The following KIAA1217 variants were observed in gnomAD, a reference collection of about 807,000 sequenced individuals.
KIAA1217 encodes KIAA1217.
A neutral mutation model predicts 163.9 loss-of-function variants in KIAA1217; 88 were observed. The ratio of observed to expected loss-of-function variants is 0.54; its 90% confidence interval spans 0.45 to 0.64. The LOEUF is 0.64. Among genes scored for constraint, KIAA1217 ranks in the 30% least tolerant of loss-of-function variants. KIAA1217 has a pLI of 0.00. For synonymous variants in KIAA1217, 903 were observed against 923.1 expected (o/e 0.98, Z 0.39); for missense variants, 2,372 against 2,475.0 (o/e 0.96, Z 0.88).
intron 1 of KIAA1217, among the ~76,000 whole-genome samples, chr10:23,915,149 G>A (rs891107418): frequency 6.6e-6 from 1 of 152,076 alleles, no homozygotes; most frequent in South Asian, 2.1e-4. Context: ...AAGATCAAGG[G>A]GAGGTTGAAA....
At chr10:24,313,849 T>G (rs1590873174) in intron 2 of KIAA1217, among the ~76,000 whole-genome samples, 1 of 148,236 alleles carries the variant, frequency 6.7e-6, no homozygotes, top group Admixed American at 6.7e-5. Flanking sequence ...GGTTGTTTTT[T>G]TTTTTTTTTT....
chr10:24,189,203 T>A (rs1424217279), intron 2 of KIAA1217, among the ~76,000 whole-genome samples: 2 of 151,690 alleles, frequency 1.3e-5, no homozygotes, highest in Admixed American at 6.6e-5. Context: ...TTGAGAGGAA[T>A]ACATGATCCT....
intron 2 of KIAA1217, among the ~76,000 whole-genome samples, chr10:24,117,036 T>C (rs12255667): frequency 0.18 from 26,407 of 147,162 alleles, 4,461 homozygotes; most frequent in African/African-American, 0.46. Context: ...CCAAATAGTG[T>C]TTTTTTTTTG....
At chr10:24,393,048 C>T (rs1193732472) in intron 3 of KIAA1217, among the ~76,000 whole-genome samples, 1 of 152,002 alleles carries the variant, frequency 6.6e-6, no homozygotes, top group East Asian at 1.9e-4. Context: ...ACATTTTTAG[C>T]ACCGGCTTTT....
intron 2 of KIAA1217, among the ~76,000 whole-genome samples, chr10:24,160,003 A>G (rs1458849564): frequency 6.6e-6 from 1 of 152,150 alleles, no homozygotes; most frequent in Non-Finnish European, 1.5e-5. Flanking sequence ...TTTGTCAAAA[A>G]TCAGTTGTCT....
At chr10:23,983,105 A>G (rs1472201388) in intron 1 of KIAA1217, among the ~76,000 whole-genome samples, 1 of 151,916 alleles carries the variant, frequency 6.6e-6, no homozygotes, top group Admixed American at 6.6e-5. Flanking sequence ...AAGAAGAACA[A>G]GCAGAAACAG....
At chr10:23,895,658 C>G (rs1462362782) in intron 1 of KIAA1217, among the ~76,000 whole-genome samples, 2 of 152,030 alleles carry the variant, frequency 1.3e-5, no homozygotes, top group Admixed American at 6.6e-5. Context: ...ACCCAAAGGA[C>G]TGTAAATTAT....
At position 24,531,805 on chromosome 10, in the gene KIAA1217, C is replaced by G. The variant is rs745995330; in HGVS notation, c.3083-25C>G. 2.6e-6 allele frequency: 4 copies of G among 1,534,110 alleles called. No homozygotes were observed. In the East Asian group the frequency reaches 7.0e-5, roughly 27 times the overall value. On this transcript the variant is annotated intron_variant, in intron 14 of 20. Coordinates refer to ENST00000376454, the MANE Select transcript of KIAA1217 (RefSeq NM_019590.5). ...GATGTTTTCTTGAAAAAAGATTATT[C>G]TTGTAATGGTGCACTGTTTTCCAGA... is the stretch of plus-strand genomic sequence containing the variant.
intron 3 of KIAA1217, among the ~76,000 whole-genome samples, chr10:24,429,028 AC>A (rs1445633147): frequency 6.6e-6 from 1 of 152,246 alleles, no homozygotes; most frequent in East Asian, 1.9e-4. Context: ...GAGAATGGCT[AC>A]TAAAATTCTA....
At chr10:24,137,612 G>C (rs2063885034) in intron 2 of KIAA1217, among the ~76,000 whole-genome samples, 1 of 151,796 alleles carries the variant, frequency 6.6e-6, no homozygotes, top group African/African-American at 2.4e-5. Context: ...TTTTAAAATA[G>C]AGTAGAATCA....
chr10:24,141,510 G>C (rs1186669834), intron 2 of KIAA1217, among the ~76,000 whole-genome samples: 1 of 152,142 alleles, frequency 6.6e-6, no homozygotes, highest in Non-Finnish European at 1.5e-5. Flanking sequence ...AGAAAAGGAG[G>C]AGCTTAGGAA....
At chr10:24,250,198 A>G (rs2074310626) in intron 2 of KIAA1217, among the ~76,000 whole-genome samples, 1 of 152,162 alleles carries the variant, frequency 6.6e-6, no homozygotes, top group East Asian at 1.9e-4. Context: ...TGGCATTTTA[A>G]GAAGAAAGCC....
At chr10:24,408,375 C>T (rs2057430725) in intron 3 of KIAA1217, among the ~76,000 whole-genome samples, 1 of 152,160 alleles carries the variant, frequency 6.6e-6, no homozygotes, top group African/African-American at 2.4e-5. Context: ...TACTCCTAAT[C>T]CACCACCACC....
chr10:24,132,780 A>G (rs1369623217), intron 2 of KIAA1217, among the ~76,000 whole-genome samples: 3 of 152,150 alleles, frequency 2.0e-5, no homozygotes, highest in Non-Finnish European at 2.9e-5. Context: ...GATAATTTCT[A>G]TTTTCAAAAA....
intron 1 of KIAA1217, among the ~76,000 whole-genome samples, chr10:23,714,847 A>C (rs1564360761): frequency 6.6e-6 from 1 of 152,120 alleles, no homozygotes; most frequent in Non-Finnish European, 1.5e-5. Context: ...GGCAGTCATA[A>C]GACAGGTAGA....
At chr10:24,104,520 G>A (rs1408159729) in intron 2 of KIAA1217, among the ~76,000 whole-genome samples, 5 of 152,200 alleles carry the variant, frequency 3.3e-5, no homozygotes, top group Admixed American at 1.3e-4. Context: ...GGAGGAAGGA[G>A]GGATGAATAG....
At chr10:23,699,778 C>G (rs1836304997) in intron 1 of KIAA1217, among the ~76,000 whole-genome samples, 1 of 152,198 alleles carries the variant, frequency 6.6e-6, no homozygotes, top group South Asian at 2.1e-4. Flanking sequence ...GCATGAGCCA[C>G]TGTGCCCAGC....
intron 2 of KIAA1217, among the ~76,000 whole-genome samples, chr10:24,318,551 A>G (rs559947630): frequency 6.6e-5 from 10 of 150,568 alleles, no homozygotes; most frequent in African/African-American, 2.4e-4. Flanking sequence ...TAAAATCATC[A>G]CTCTCTCTCT....
intron 2 of KIAA1217, among the ~76,000 whole-genome samples, chr10:24,012,248 T>C (rs1354394345): frequency 6.6e-6 from 1 of 152,074 alleles, no homozygotes; most frequent in Non-Finnish European, 1.5e-5. Context: ...TAAACTCCCA[T>C]TGAAATGGGT....
Sources: gnomAD v4.1 joint callset for allele counts (sites outside exome capture counted in the v4.1 genomes callset) on GRCh38, gnomAD v4.1.1 for gene constraint, MANE v1.5 for transcripts, NCBI Gene and HGNC (gene_info 2026-07-23, HGNC 2026-07-21) for gene names.